The following WDR70 variants were observed in gnomAD, a reference collection of about 807,000 sequenced individuals.
The protein encoded by WDR70 is WD repeat domain 70, also known as WD repeat-containing protein 70.
Under a neutral mutation model 88.6 loss-of-function variants are expected in WDR70, and 53 were observed. That is an observed-to-expected ratio of 0.60 (90% CI 0.48 to 0.75). WDR70 has a LOEUF of 0.75. Ranked by LOEUF, WDR70 falls within the 30% of genes least tolerant of loss-of-function variation. The pLI, the probability that WDR70 is intolerant of heterozygous loss-of-function variation, is 0.00. For synonymous variants in WDR70, 280 were observed against 270.0 expected, an observed-to-expected ratio of 1.04 and a Z score of -0.36; for missense variants, 610 against 823.2, an observed-to-expected ratio of 0.74 and a Z score of 3.17.
intron 5 of WDR70, among the ~76,000 whole-genome samples, chr5:37,409,859 T>C (rs1363362860): frequency 6.6e-6 from 1 of 152,156 alleles, no homozygotes; most frequent in Non-Finnish European, 1.5e-5. Flanking sequence ...TTTCCCGTTA[T>C]TTTTCACAAC....
At chr5:37,542,071 T>C (rs1741835429) in intron 9 of WDR70, among the ~76,000 whole-genome samples, 1 of 152,062 alleles carries the variant, frequency 6.6e-6, no homozygotes, top group Admixed American at 6.6e-5. Flanking sequence ...AGAGAGGAGA[T>C]GGACTTACTG....
chr5:37,557,961 T>TTACTCTTTTTAAAACTCTTCAAAATA (rs1742360947), intron 9 of WDR70, among the ~76,000 whole-genome samples: 1 of 148,286 alleles, frequency 6.7e-6, no homozygotes, highest in Non-Finnish European at 1.5e-5. Context: ...AAGAGTATTA[T>TTACTCTTTTTAAAACTCTTCAAAATA]GTATATTTAT....
At chr5:37,721,069 T>C in intron 13 of WDR70, 46 bp from the exon 14 acceptor site, 3 of 1,566,824 alleles carry the variant, frequency 1.9e-6, no homozygotes, top group Non-Finnish European at 2.6e-6. Context: ...ATTGTTTCCA[T>C]TTTTATCTGG....
At chr5:37,743,806 A>C (rs1748561187) in intron 17 of WDR70, among the ~76,000 whole-genome samples, 2 of 152,162 alleles carry the variant, frequency 1.3e-5, no homozygotes, top group Admixed American at 6.5e-5. Flanking sequence ...GGGTGGCCTT[A>C]GTCTTTGCAG....
At position 37,484,056 on chromosome 5, in the gene WDR70, T is replaced by G. The variant is rs1356731092; in HGVS notation, c.840+4069T>G. Among the ~76,000 whole-genome samples, 4 of 151,242 alleles carry G rather than the reference T, an allele frequency of 2.6e-5. No homozygotes were observed. In the East Asian group the frequency reaches 7.9e-4, roughly 30 times the overall value. On this transcript the variant is annotated intron_variant, in intron 8 of 17. Transcript: ENST00000265107. Reference sequence around the variant, plus strand: ...CGGGATGGCGGCCGGGAAGAGGCGCTCCTCACTTCCCAGACTGGGCAGCTG... The same window carrying G: ...CGGGATGGCGGCCGGGAAGAGGCGCGCCTCACTTCCCAGACTGGGCAGCTG...
chr5:37,387,098 TA>T (rs34087509), intron 3 of WDR70, among the ~76,000 whole-genome samples: 275 of 140,056 alleles, frequency 2.0e-3, no homozygotes, highest in Middle Eastern at 7.3e-3. Context: ...AAACTCTGTC[TA>T]AAAAAAAAAA....
At chr5:37,575,416 A>G (rs935774080) in intron 9 of WDR70, among the ~76,000 whole-genome samples, 2 of 152,154 alleles carry the variant, frequency 1.3e-5, no homozygotes, top group Admixed American at 1.3e-4. Flanking sequence ...TGGCTTCAAC[A>G]TGGGGCTGGT....
chr5:37,750,397 A>T, intron 17 of WDR70, among the ~76,000 whole-genome samples: 1 of 152,106 alleles, frequency 6.6e-6, no homozygotes, highest in East Asian at 1.9e-4. Context: ...TTAATCAGAC[A>T]TGGTGGTGCA....
At chr5:37,681,889 C>CT (rs774678633) in intron 10 of WDR70, among the ~76,000 whole-genome samples, 7 of 151,760 alleles carry the variant, frequency 4.6e-5, no homozygotes, top group Admixed American at 6.6e-5. Context: ...CTGAAGTTTT[C>CT]TTTTTTTTGT....
At chr5:37,562,819 CA>C in intron 9 of WDR70, among the ~76,000 whole-genome samples, 1 of 152,090 alleles carries the variant, frequency 6.6e-6, no homozygotes, top group East Asian at 1.9e-4. Context: ...TAGTACAGAA[CA>C]AAATGAAAAG....
intron 17 of WDR70, among the ~76,000 whole-genome samples, chr5:37,750,549 A>G (rs770657774): frequency 9.2e-5 from 14 of 152,150 alleles, no homozygotes; most frequent in Non-Finnish European, 1.9e-4. Flanking sequence ...AAAGAGTGAT[A>G]TGGTTTGGCT....
intron 5 of WDR70, among the ~76,000 whole-genome samples, chr5:37,415,235 C>T (rs552505863): frequency 6.6e-6 from 1 of 152,212 alleles, no homozygotes; most frequent in East Asian, 1.9e-4. Flanking sequence ...CCCCACCTTT[C>T]CCCTTTTCTA....
chr5:37,487,615 A>ATTTTTT (rs1739916880), intron 8 of WDR70, among the ~76,000 whole-genome samples: 1 of 42,286 alleles, frequency 2.4e-5, no homozygotes, highest in African/African-American at 4.9e-5. Flanking sequence ...ATATATATAT[A>ATTTTTT]TATATATATG....
chr5:37,658,298 T>A (rs1745611000), intron 10 of WDR70, among the ~76,000 whole-genome samples: 1 of 151,984 alleles, frequency 6.6e-6, no homozygotes, highest in African/African-American at 2.4e-5. Flanking sequence ...TAGATGCTAG[T>A]TAAAAAAGAC....
At chr5:37,642,012 A>G (rs1745116808) in intron 10 of WDR70, among the ~76,000 whole-genome samples, 1 of 152,210 alleles carries the variant, frequency 6.6e-6, no homozygotes, top group South Asian at 2.1e-4. Context: ...TGATTTACAT[A>G]CACCTATAGG....
intron 10 of WDR70, among the ~76,000 whole-genome samples, chr5:37,683,754 C>T (rs978530061): frequency 6.6e-6 from 1 of 152,094 alleles, no homozygotes; most frequent in African/African-American, 2.4e-5. Context: ...CCTGATTTTT[C>T]TCTCTAGCTG....
intron 10 of WDR70, among the ~76,000 whole-genome samples, chr5:37,681,759 G>A (rs1358998903): frequency 6.6e-6 from 1 of 152,080 alleles, no homozygotes; most frequent in Non-Finnish European, 1.5e-5. Flanking sequence ...AAATCAACCT[G>A]GCATCTAGGG....
chr5:37,613,125 A>T (rs1744231613), intron 10 of WDR70, among the ~76,000 whole-genome samples: 1 of 152,232 alleles, frequency 6.6e-6, no homozygotes, highest in Non-Finnish European at 1.5e-5. Context: ...CATTCACTAA[A>T]TGAAAAAATA....
intron 10 of WDR70, among the ~76,000 whole-genome samples, chr5:37,658,024 T>C (rs1051497356): frequency 6.6e-6 from 1 of 152,170 alleles, no homozygotes; most frequent in Non-Finnish European, 1.5e-5. Flanking sequence ...TACAGTAAAG[T>C]AAGCTAAAGA....
Sources: allele counts gnomAD v4.1 joint callset (sites outside exome capture counted in the v4.1 genomes callset), GRCh38; gene constraint gnomAD v4.1.1; transcripts MANE v1.5; gene names NCBI Gene and HGNC (gene_info 2026-07-23, HGNC 2026-07-21).